The following ATP10B variants were observed in gnomAD, a reference collection of about 807,000 sequenced individuals.
ATP10B encodes the protein ATPase phospholipid transporting 10B (putative), also known as phospholipid-transporting ATPase VB.
Under a neutral mutation model 141.2 loss-of-function variants are expected in ATP10B, and 122 were observed. That is an observed-to-expected ratio of 0.86 (90% CI 0.75 to 1.00). The LOEUF (loss-of-function observed/expected upper bound fraction) is 1.00. Among genes scored for constraint, ATP10B ranks in the 50% least tolerant of loss-of-function variants. The pLI, the probability that ATP10B is intolerant of heterozygous loss-of-function variation, is 0.00. For missense variants in ATP10B, 1,876 were observed against 1,825.3 expected (o/e 1.03, Z -0.51); for synonymous variants, 685 against 692.0 (o/e 0.99, Z 0.16).
At chr5:160,586,378 C>T (rs1443564085) in intron 24 of ATP10B, among the ~76,000 whole-genome samples, 1 of 152,094 alleles carries the variant, frequency 6.6e-6, no homozygotes, top group Non-Finnish European at 1.5e-5. Flanking sequence ...TCCAATCTGT[C>T]ATTGGGTATT....
chr5:160,619,947 C>G (rs1167778830), intron 15 of ATP10B, among the ~76,000 whole-genome samples: 1 of 152,196 alleles, frequency 6.6e-6, no homozygotes, highest in East Asian at 1.9e-4. Flanking sequence ...TCTTGTAAGT[C>G]ACTTTTCTTT....
chr5:160,866,146 A>G, the ATP10B span, among the ~76,000 whole-genome samples: 14 of 152,162 alleles, frequency 9.2e-5, no homozygotes, highest in African/African-American at 3.4e-4. Context: ...TGCAATTACA[A>G]AAATATGGAA....
chr5:160,815,471 G>C (rs1773535487), intron 1 of ATP10B, among the ~76,000 whole-genome samples: 2 of 152,160 alleles, frequency 1.3e-5, no homozygotes, highest in South Asian at 4.2e-4. Context: ...CAATACAGGA[G>C]CACCCAGATT....
At chr5:160,623,159 C>G (rs1331748173) in intron 13 of ATP10B, among the ~76,000 whole-genome samples, 1 of 152,222 alleles carries the variant, frequency 6.6e-6, no homozygotes, top group Non-Finnish European at 1.5e-5. Flanking sequence ...CTGTATTCCT[C>G]TGATCACACT....
intron 22 of ATP10B, among the ~76,000 whole-genome samples, chr5:160,592,769 A>C (rs1321368902): frequency 6.6e-6 from 1 of 152,264 alleles, no homozygotes; most frequent in Non-Finnish European, 1.5e-5. Flanking sequence ...TATATCCTGC[A>C]CATGGCTTGG....
In ATP10B at chr5:160,640,512, T is replaced by C. The variant is rs1446136098; in HGVS notation, c.949A>G (p.Ile317Val). 3.1e-6 allele frequency: 5 copies of C among 1,613,956 alleles called. No homozygotes were observed. The African/African-American group carries it at 4.0e-5, about 13-fold the overall frequency. The change falls in exon 10 of 26, where the codon ATC becomes GTC. Residue 317 changes from isoleucine to valine, a missense_variant. Coordinates refer to ENST00000327245, the MANE Select transcript of ATP10B (RefSeq NM_025153.3). ...ATGAGGATCCCAATGCAGAAGAAGA[T>C]GTCTATATTCATGCGCCGCTCAATC... is the stretch of plus-strand genomic sequence containing the variant. ...SKIERRMNID[I>V]FFCIGILILM...
At chr5:160,828,958 C>A (rs1329408125) in intron 1 of ATP10B, among the ~76,000 whole-genome samples, 1 of 142,556 alleles carries the variant, frequency 7.0e-6, no homozygotes, top group African/African-American at 2.5e-5. Context: ...AACGCAAGGA[C>A]AAAAAACCAA....
intron 8 of ATP10B, among the ~76,000 whole-genome samples, chr5:160,647,733 G>A (rs1410786874): frequency 1.3e-5 from 2 of 152,160 alleles, no homozygotes; most frequent in Non-Finnish European, 2.9e-5. Flanking sequence ...TTCAGAGCAG[G>A]TGACAGGCTT....
At chr5:160,609,063 A>C (rs560538030) in intron 18 of ATP10B, among the ~76,000 whole-genome samples, 4 of 152,144 alleles carry the variant, frequency 2.6e-5, no homozygotes, top group Non-Finnish European at 4.4e-5. Context: ...TTATGGTTTT[A>C]GGTCTAACAT....
At chr5:160,705,494 TGATTACAATTGG>T (rs1307004717) in intron 3 of ATP10B, among the ~76,000 whole-genome samples, 5 of 152,168 alleles carry the variant, frequency 3.3e-5, no homozygotes, top group Non-Finnish European at 7.4e-5. Flanking sequence ...ATTACAAGTG[TGATTACAATTGG>T]GATTACAATC....
chr5:160,662,851 G>C (rs1762034479), intron 7 of ATP10B, among the ~76,000 whole-genome samples: 1 of 152,304 alleles, frequency 6.6e-6, no homozygotes, highest in African/African-American at 2.4e-5. Context: ...CCATCAGAGT[G>C]AACAGGCAAC....
rs1255159617 is a variant in ATP10B at position 160,606,973 on chromosome 5, G to T, written c.2952C>A (p.Ser984=). The part of the protein sequence containing the change: ...FGFRLPSKTP[S]ITSEAVVPEA... ...CTGGAACCACAGCTTCTGAGGTGAT[G>T]GATGGTGTCTTGGAAGGTAAGCGGA... The change falls in exon 19 of 26, where the codon TCC becomes TCA. Residue 984 remains serine (S), a synonymous_variant. Transcript: ENST00000327245. The T allele has an allele frequency of 6.2e-7, 1 of 1,614,164 alleles. No individual in the cohort carries two copies. Among genetic ancestry groups the T allele is most frequent in the African/African-American group, 1.3e-5 (1 of 75,042 alleles).
chr5:160,688,194 T>A, intron 4 of ATP10B, 100 bp from the exon 5 acceptor site: 1 of 1,281,622 alleles, frequency 7.8e-7, no homozygotes, highest in East Asian at 2.5e-5. Flanking sequence ...CTGAAAGTAG[T>A]CTTAACCCAC....
intron 24 of ATP10B, among the ~76,000 whole-genome samples, chr5:160,587,063 C>T (rs567132148): frequency 6.6e-5 from 10 of 152,270 alleles, no homozygotes; most frequent in East Asian, 5.8e-4. Context: ...AGGTTTTCTT[C>T]TAGGGCTTTT....
intron 6 of ATP10B, among the ~76,000 whole-genome samples, chr5:160,678,975 C>G (rs576988675): frequency 6.6e-6 from 1 of 152,332 alleles, no homozygotes; most frequent in East Asian, 1.9e-4. Flanking sequence ...TTCAAGCCCT[C>G]TTATATGTCA....
chr5:160,616,677 T>C (rs983390801), intron 16 of ATP10B, among the ~76,000 whole-genome samples: 5 of 152,224 alleles, frequency 3.3e-5, no homozygotes, highest in African/African-American at 9.7e-5. Flanking sequence ...TGGTGTCTTA[T>C]AGCAATGAAA....
chr5:160,925,246 A>G, the ATP10B span, among the ~76,000 whole-genome samples: 1 of 152,358 alleles, frequency 6.6e-6, no homozygotes, highest in Admixed American at 6.5e-5. Context: ...TTACACTTAT[A>G]CAAGATGGGG....
intron 13 of ATP10B, among the ~76,000 whole-genome samples, chr5:160,622,914 C>CT (rs879533940): frequency 9.2e-5 from 14 of 151,776 alleles, no homozygotes; most frequent in Middle Eastern, 3.4e-3. Context: ...TGCCTCTCAC[C>CT]TTTTTTTTTC....
the ATP10B span, among the ~76,000 whole-genome samples, chr5:160,919,361 C>T: frequency 6.6e-6 from 1 of 151,166 alleles, no homozygotes; most frequent in East Asian, 2.0e-4. Context: ...GGCTATGATA[C>T]TGTGCAAAAT....
Sources: gnomAD v4.1 joint callset for allele counts (sites outside exome capture counted in the v4.1 genomes callset) on GRCh38, gnomAD v4.1.1 for gene constraint, MANE v1.5 for transcripts, NCBI Gene and HGNC (gene_info 2026-07-23, HGNC 2026-07-21) for gene names.